Variants in DBF4 observed in about 807,000 individuals in gnomAD.
The protein encoded by DBF4 is protein DBF4 homolog A.
A neutral mutation model predicts 76.6 loss-of-function variants in DBF4; 25 were observed. The ratio of observed to expected loss-of-function variants is 0.33; its 90% CI spans 0.24 to 0.46. The LOEUF (loss-of-function observed/expected upper bound fraction) is 0.46, where lower values mean the gene tolerates loss of function less well. DBF4 is among the 20% of genes least tolerant of loss of function. The pLI is 1.00. For synonymous variants in DBF4, 213 were observed against 258.0 expected, an observed-to-expected ratio of 0.83 and a Z score of 1.67; for missense variants, 638 against 760.8, an observed-to-expected ratio of 0.84 and a Z score of 1.90.
Position 87,887,352 on chromosome 7 carries a change from AT to A in DBF4, c.476del (p.Leu159TyrfsTer9). 1 of 1,557,362 alleles carries A rather than the reference AT, an allele frequency of 6.4e-7. No homozygotes were observed. ...AGGATTTTATTCCTTCAAATAGTAT[AT>A]TATCAAATGCCTTGTCATGGGGAGT... is the stretch of plus-strand genomic sequence containing the variant. ...DHDFIPSNSI[L>X]SNALSWGVKI... On this transcript the variant is annotated frameshift_variant, in exon 5 of 12. Coordinates refer to ENST00000265728, the MANE Select transcript of DBF4 (RefSeq NM_006716.4). LOFTEE classifies it high-confidence loss of function.
chr7:87,896,341 T>A (rs978024794), intron 6 of DBF4, 133 bp from the exon 7 acceptor site: 10 of 675,710 alleles, frequency 1.5e-5, no homozygotes, highest in Middle Eastern at 3.4e-4. Flanking sequence ...TAGTTTTTTT[T>A]AACAAAGAAT....
intron 11 of DBF4, 101 bp from the exon 12 acceptor site, chr7:87,907,085 CTT>C (rs1283007068): frequency 8.5e-7 from 1 of 1,178,796 alleles, no homozygotes; most frequent in Non-Finnish European, 1.1e-6. Flanking sequence ...AAATAGGTTT[CTT>C]AAAGATTATA....
At chr7:87,882,724 A>G (rs188451478) in intron 2 of DBF4, among the ~76,000 whole-genome samples, 131 of 152,312 alleles carry the variant, frequency 8.6e-4, no homozygotes, top group Non-Finnish European at 1.5e-3. Context: ...AAAATGTTCA[A>G]CGTCACTAAT....
chr7:87,898,192 T>C (rs1183183163), intron 8 of DBF4, among the ~76,000 whole-genome samples: 2 of 152,210 alleles, frequency 1.3e-5, no homozygotes, highest in Non-Finnish European at 2.9e-5. Flanking sequence ...TTAATTCTCT[T>C]GGGTACTCAC....
chr7:87,904,430 T>C lies in DBF4; in HGVS notation c.1049+14T>C. 1 of 1,608,090 alleles carries C rather than the reference T, an allele frequency of 6.2e-7. No homozygotes were observed. The highest frequency in any genetic ancestry group is 8.5e-7 in the Non-Finnish European group (1 of 1,176,628). ...TAAAAAGAAAAGGTAATTAGTTTTA[T>C]CAACCTAAGTTTTAAATTCTACTAG... On this transcript the variant is annotated intron_variant, in intron 11 of 11. Transcript: ENST00000265728.
intron 3 of DBF4, among the ~76,000 whole-genome samples, chr7:87,886,552 A>T (rs1839357287): frequency 6.6e-6 from 1 of 151,362 alleles, no homozygotes; most frequent in Non-Finnish European, 1.5e-5. Flanking sequence ...AAAAAAAAAA[A>T]AAAAAAGGTG....
Position 87,887,897 on chromosome 7 carries a change from TTATC to T in DBF4, c.521-83_521-80del, listed in dbSNP as rs1839397958. The T allele has an allele frequency of 2.4e-6, 3 of 1,257,698 alleles. No individual in the cohort carries two copies. In the African/African-American group the frequency reaches 4.7e-5, roughly 20 times the overall value. 77.9% of individuals were successfully genotyped at this position (1,257,698 alleles called of 1,614,324 possible). ...AGAGATACCTATAATGGTAAATTCT[TTATC>T]TAATTTAACTACAAGAAAATATCAC... On this transcript the variant is annotated intron_variant, in intron 5 of 11. Coordinates refer to ENST00000265728, the MANE Select transcript of DBF4 (RefSeq NM_006716.4).
Position 87,894,261 on chromosome 7 carries a change from G to C in DBF4, c.598-2213G>C, listed in dbSNP as rs1388511717. Among the ~76,000 whole-genome samples, 5 of 152,272 alleles carry C rather than the reference G, an allele frequency of 3.3e-5. No individual in the cohort carries two copies. In the East Asian group the frequency reaches 9.6e-4, roughly 29 times the overall value. ...ACTTTAGCTCAGAAGTTCGAGACCA[G>C]CCTGGGCAACATGGTGAAACCCCAT... On this transcript the variant is annotated intron_variant, in intron 6 of 11. Transcript: ENST00000265728.
At chr7:87,900,676 A>T (rs773557722) in intron 9 of DBF4, 88 bp from the exon 10 acceptor site, 35 of 1,076,386 alleles carry the variant, frequency 3.3e-5, no homozygotes, top group Non-Finnish European at 4.7e-5. Context: ...AATTATGCAG[A>T]TTGTGTGTGA....
At chr7:87,893,233 ATTCT>A (rs1281700490) in intron 6 of DBF4, among the ~76,000 whole-genome samples, 1 of 138,652 alleles carries the variant, frequency 7.2e-6, no homozygotes, top group African/African-American at 2.7e-5. Flanking sequence ...CACATTTAAT[ATTCT>A]TTTTTTTTTT....
intron 3 of DBF4, among the ~76,000 whole-genome samples, chr7:87,885,683 T>G (rs1039227151): frequency 6.6e-6 from 1 of 152,262 alleles, no homozygotes; most frequent in Non-Finnish European, 1.5e-5. Context: ...CCTGTTTGTT[T>G]AGGTATAATC....
At position 87,907,491 on chromosome 7, in the gene DBF4, A is replaced by C. The variant is rs570630287; in HGVS notation, c.1353A>C (p.Leu451=). The C allele has an allele frequency of 6.2e-7, 1 of 1,613,978 alleles. No homozygotes were observed. The highest frequency in any genetic ancestry group is 1.3e-5 in the African/African-American group (1 of 75,050). Residue 451 remains leucine (L), a synonymous_variant, in exon 12 of 12, where the codon CTA becomes CTC. Coordinates refer to ENST00000265728, the MANE Select transcript of DBF4 (RefSeq NM_006716.4). ...EDDIRQNFTQ[L]PLHKNKQECI... is the part of the protein sequence containing the mutation. Reference sequence around the variant, plus strand: ...ACATAAGACAGAATTTTACACAGCTACCTCTACATAAAAACAAACAGGAAT... The same window carrying C: ...ACATAAGACAGAATTTTACACAGCTCCCTCTACATAAAAACAAACAGGAAT...
At position 87,883,695 on chromosome 7, in the gene DBF4, A is replaced by C. The variant is rs145270618; in HGVS notation, c.220-1284A>C. ...AAGGAGGCCACTGGTCTCAGTAGCA[A>C]ATGCTGCTTAATGCTTAGATGAAGT... On this transcript the variant is annotated intron_variant, in intron 2 of 11. Coordinates refer to ENST00000265728, the MANE Select transcript of DBF4 (RefSeq NM_006716.4). 3.9e-3 allele frequency among the ~76,000 whole-genome samples: 593 copies of C among 152,342 alleles called. 3 individuals are homozygous for C. Among genetic ancestry groups the C allele is most frequent in the African/African-American group, 0.014 (569 of 41,576 alleles).
In DBF4 at chr7:87,909,075, C is replaced by CA. The variant is rs933993693; in HGVS notation, c.*924dup. 1.6e-3 allele frequency: 213 copies of CA among 135,716 alleles called. No individual in the cohort carries two copies. Among genetic ancestry groups the CA allele is most frequent in the African/African-American group, 1.5e-3 (56 of 36,974 alleles). 8.4% of individuals were successfully genotyped at this position (135,716 alleles called of 1,614,324 possible). On this transcript the variant is annotated 3_prime_UTR_variant, in exon 12 of 12. Coordinates refer to ENST00000265728, the MANE Select transcript of DBF4 (RefSeq NM_006716.4). ...TGGGTGACAGAGTGAGACTCCATCT[C>CA]AAAAAAAAAAAAGTTGACTCTACCC...
rs143604064 is a variant in DBF4, at chr7:87,893,467, G to A, written c.598-3007G>A. Among the ~76,000 whole-genome samples, 909 of 151,386 alleles carry A rather than the reference G, an allele frequency of 6.0e-3. 4 individuals are homozygous for A. The highest frequency in any genetic ancestry group is 9.8e-3 in the Non-Finnish European group (666 of 67,812). On this transcript the variant is annotated intron_variant, in intron 6 of 11. Coordinates refer to ENST00000265728, the MANE Select transcript of DBF4 (RefSeq NM_006716.4). ...TCACCTTGTTAGCCAGAATGGTCTCGATCTCCTGACCTCATGATCCACCCG... is the reference window on the plus strand; with the variant it reads ...TCACCTTGTTAGCCAGAATGGTCTCAATCTCCTGACCTCATGATCCACCCG...
chr7:87,907,679 C>T lies in DBF4; in HGVS notation c.1541C>T (p.Pro514Leu). Residue 514 changes from proline (P) to leucine (L), a missense_variant, in exon 12 of 12, where the codon CCA (proline) becomes CTA (leucine). Physicochemically the swap from Pro to Leu is moderately conservative, Grantham distance 98 (BLOSUM62 -3). Coordinates refer to ENST00000265728, the MANE Select transcript of DBF4 (RefSeq NM_006716.4). ...CAGAAGTCAGATACTGTGCTTTTTC[C>T]AGCAAAGGATCTCAAGGAAAAGGAC... ...PKQKSDTVLF[P>L]AKDLKEKDLH... The T allele has an allele frequency of 6.2e-7, 1 of 1,613,950 alleles. No homozygotes were observed. Among genetic ancestry groups the T allele is most frequent in the Middle Eastern group, 1.7e-4 (1 of 6,060 alleles).
chr7:87,900,715 A>G, intron 9 of DBF4, 49 bp from the exon 10 acceptor site: 1 of 1,465,828 alleles, frequency 6.8e-7, no homozygotes, highest in Non-Finnish European at 9.4e-7. Flanking sequence ...TTTTAAAGTT[A>G]TTCCTTAGGT....
chr7:87,889,360 A>G (rs1307853606), intron 6 of DBF4, among the ~76,000 whole-genome samples: 2 of 151,006 alleles, frequency 1.3e-5, no homozygotes, highest in African/African-American at 2.4e-5. Context: ...GCTCACTGCA[A>G]CCTCCTCCTC....
rs948123877 is a variant in DBF4, at chr7:87,909,190, A to C, written c.*1027A>C. 9.9e-5 allele frequency: 15 copies of C among 152,238 alleles called. No homozygotes were observed. The highest frequency in any genetic ancestry group is 1.3e-4 in the Non-Finnish European group (9 of 68,032). 9.4% of individuals were successfully genotyped at this position (152,238 alleles called of 1,614,324 possible). A position where few individuals can be genotyped will look rare whatever the true frequency, so the allele number is the denominator to read the frequency against. On this transcript the variant is annotated 3_prime_UTR_variant, in exon 12 of 12. Transcript: ENST00000265728. ...TATACAAGGATTGCCTTGATCTGGC[A>C]CTTACTGATACAAGCATTTGGAGAA...
Sources: gnomAD v4.1 joint callset for allele counts (sites outside exome capture counted in the v4.1 genomes callset) on GRCh38, gnomAD v4.1.1 for gene constraint, MANE v1.5 for transcripts, NCBI Gene and HGNC (gene_info 2026-07-23, HGNC 2026-07-21) for gene names.